Variants in VPS53 observed in about 807,000 individuals in gnomAD.
The protein encoded by VPS53 is VPS53 subunit of GARP complex.
A neutral mutation model predicts 107.0 loss-of-function variants in VPS53; 70 were observed. That is an observed-to-expected ratio of 0.65 (90% CI 0.54 to 0.80). The LOEUF (loss-of-function observed/expected upper bound fraction) is 0.80, where lower values mean the gene tolerates loss of function less well. Among genes scored for constraint, VPS53 ranks in the 30% least tolerant of loss-of-function variants. The pLI is 0.00. For missense variants in VPS53, 917 were observed against 1,049.4 expected, an observed-to-expected ratio of 0.87 and a Z score of 1.74; for synonymous variants, 409 against 393.3, an observed-to-expected ratio of 1.04 and a Z score of -0.47.
chr17:684,065 T>C (rs924931452), intron 4 of VPS53, among the ~76,000 whole-genome samples: 1 of 152,176 alleles, frequency 6.6e-6, no homozygotes, highest in Admixed American at 6.5e-5. Flanking sequence ...GTCATCACTG[T>C]GACATCAGTG....
At chr17:611,025 T>C (rs1968845786) in intron 11 of VPS53, among the ~76,000 whole-genome samples, 1 of 151,512 alleles carries the variant, frequency 6.6e-6, no homozygotes, top group African/African-American at 2.4e-5. Flanking sequence ...AACTAAAAAA[T>C]GGGCAAAAAA....
chr17:646,430 C>T (rs62053763), intron 7 of VPS53, among the ~76,000 whole-genome samples: 493 of 10,098 alleles, frequency 0.049, no homozygotes, highest in Middle Eastern at 0.11. Flanking sequence ...CTAATCCATA[C>T]CACTGACTGG....
At chr17:589,188 A>T (rs1967501890) in intron 12 of VPS53, among the ~76,000 whole-genome samples, 1 of 152,008 alleles carries the variant, frequency 6.6e-6, no homozygotes, top group African/African-American at 2.4e-5. Context: ...GTTAACATTT[A>T]AAAAAATCAA....
At chr17:645,721 T>C (rs1012918834) in intron 7 of VPS53, among the ~76,000 whole-genome samples, 2 of 152,264 alleles carry the variant, frequency 1.3e-5, no homozygotes, top group South Asian at 2.1e-4. Context: ...AGTTCTGTCA[T>C]GTTCCTGCCA....
intron 12 of VPS53, among the ~76,000 whole-genome samples, chr17:597,324 C>T (rs545694589): frequency 1.3e-5 from 2 of 152,190 alleles, no homozygotes; most frequent in East Asian, 3.9e-4. Context: ...CTGGTGGGGT[C>T]CCTCCCCCAC....
At chr17:661,241 G>A (rs930846748) in intron 5 of VPS53, among the ~76,000 whole-genome samples, 4 of 151,980 alleles carry the variant, frequency 2.6e-5, no homozygotes, top group Non-Finnish European at 5.9e-5. Flanking sequence ...AAAAGTTGCA[G>A]CTGGGCACAG....
chr17:545,821 A>G (rs1437761958), intron 17 of VPS53, among the ~76,000 whole-genome samples: 1 of 152,246 alleles, frequency 6.6e-6, no homozygotes, highest in Non-Finnish European at 1.5e-5. Flanking sequence ...TCTAGGTACT[A>G]TGGTGTCTTG....
intron 11 of VPS53, among the ~76,000 whole-genome samples, chr17:620,160 C>T (rs1384929748): frequency 6.6e-6 from 1 of 152,172 alleles, no homozygotes; most frequent in Non-Finnish European, 1.5e-5. Context: ...GTTTCAGCTG[C>T]ATTTTATTCT....
At chr17:608,622 C>CT (rs912296562) in intron 11 of VPS53, among the ~76,000 whole-genome samples, 57 of 138,034 alleles carry the variant, frequency 4.1e-4, no homozygotes, top group Non-Finnish European at 7.3e-4. Context: ...CTTTTCTTTT[C>CT]TTTTTTTTTT....
At chr17:706,646 A>T (rs1973413341) in intron 2 of VPS53, among the ~76,000 whole-genome samples, 1 of 152,146 alleles carries the variant, frequency 6.6e-6, no homozygotes, top group Admixed American at 6.6e-5. Flanking sequence ...CTGTGTTGGT[A>T]GACTATATCT....
At chr17:576,758 C>A (rs1201977435) in intron 13 of VPS53, among the ~76,000 whole-genome samples, 1 of 149,954 alleles carries the variant, frequency 6.7e-6, no homozygotes, top group African/African-American at 2.5e-5. Flanking sequence ...AATACGTGCC[C>A]AGAGAACCTC....
At chr17:689,464 ATTTTTTTT>A (rs1184638230) in intron 4 of VPS53, among the ~76,000 whole-genome samples, 31,187 of 111,284 alleles carry the variant, frequency 0.28, 4,251 homozygotes, top group African/African-American at 0.48. Context: ...TGCTGGACTA[ATTTTTTTT>A]TTTTTTTTTT....
At chr17:602,771 T>G (rs1334246252) in intron 11 of VPS53, among the ~76,000 whole-genome samples, 1 of 152,248 alleles carries the variant, frequency 6.6e-6, no homozygotes, top group African/African-American at 2.4e-5. Context: ...CTGATGACGT[T>G]AATTCCAGTA....
In VPS53 at chr17:587,211, C is replaced by T. The variant is rs1468512241; in HGVS notation, c.1219-847G>A. ...CTAAGTAGCTGGGACTATAGGCACA[C>T]GCCACCACACCGAGCTAATTTTTGT... On this transcript the variant is annotated intron_variant, in intron 12 of 21. Transcript: ENST00000437048. 3.3e-5 allele frequency among the ~76,000 whole-genome samples: 5 copies of T among 152,076 alleles called. No homozygotes were observed. In the East Asian group the frequency reaches 5.8e-4, roughly 18 times the overall value.
At chr17:671,693 A>G (rs1971954289) in intron 4 of VPS53, among the ~76,000 whole-genome samples, 1 of 148,650 alleles carries the variant, frequency 6.7e-6, no homozygotes, top group African/African-American at 2.5e-5. Context: ...TCGTTGGAGC[A>G]GTTTTCCCAT....
At chr17:705,419 T>C (rs1038821280) in intron 2 of VPS53, among the ~76,000 whole-genome samples, 10 of 115,772 alleles carry the variant, frequency 8.6e-5, no homozygotes, top group South Asian at 3.0e-4. Flanking sequence ...CAAGGCCCAG[T>C]CTGTAAAAAA....
chr17:628,328 G>C (rs577610116), intron 8 of VPS53, 97 bp from the exon 9 acceptor site: 1 of 1,409,976 alleles, frequency 7.1e-7, no homozygotes, highest in South Asian at 1.3e-5. Flanking sequence ...CGCATTGTCA[G>C]TCTTACTCCT....
chr17:628,390 T>C (rs1180636304), intron 8 of VPS53, among the ~76,000 whole-genome samples, 159 bp from the exon 9 acceptor site: 18 of 152,210 alleles, frequency 1.2e-4, no homozygotes, highest in Admixed American at 1.2e-3. Context: ...AGTTACCTGC[T>C]GCTCCTCGAG....
chr17:650,421 C>G (rs568308536), intron 7 of VPS53, among the ~76,000 whole-genome samples: 1 of 152,160 alleles, frequency 6.6e-6, no homozygotes, highest in South Asian at 2.1e-4. Context: ...GGTTTGAGCC[C>G]AGGAGTTCCA....
Sources: allele counts gnomAD v4.1 joint callset (sites outside exome capture counted in the v4.1 genomes callset), GRCh38; gene constraint gnomAD v4.1.1; transcripts MANE v1.5; gene names NCBI Gene and HGNC (gene_info 2026-07-23, HGNC 2026-07-21).